The following MECOM variants were observed in gnomAD, a reference collection of about 807,000 sequenced individuals.
MECOM encodes the protein MDS1 and EVI1 complex locus, also known as histone-lysine N-methyltransferase MECOM.
Under a neutral mutation model 116.3 loss-of-function variants are expected in MECOM, and 13 were observed. The ratio of observed to expected loss-of-function variants is 0.11; its 90% confidence interval spans 0.07 to 0.18. MECOM has a LOEUF of 0.18. MECOM is among the 10% of genes least tolerant of loss of function. MECOM has a pLI of 1.00. For synonymous variants in MECOM, 528 were observed against 535.2 expected, an observed-to-expected ratio of 0.99 and a Z score of 0.19; for missense variants, 1,299 against 1,509.0, an observed-to-expected ratio of 0.86 and a Z score of 2.31.
At chr3:169,547,620 A>T (rs1345900314) in intron 1 of MECOM, among the ~76,000 whole-genome samples, 1 of 152,158 alleles carries the variant, frequency 6.6e-6, no homozygotes, top group Admixed American at 6.5e-5. Context: ...TCCCAAAAAG[A>T]TATGTTCAAG....
intron 13 of MECOM, among the ~76,000 whole-genome samples, chr3:169,094,314 G>A (rs1720818201): frequency 6.6e-6 from 1 of 152,010 alleles, no homozygotes. Context: ...TACCCCCAAA[G>A]CATAACCTTT....
chr3:169,581,078 C>T (rs1468144241), intron 1 of MECOM, among the ~76,000 whole-genome samples: 1 of 152,168 alleles, frequency 6.6e-6, no homozygotes, highest in African/African-American at 2.4e-5. Context: ...TCACTCAGAC[C>T]TCTTTGGAAA....
At chr3:169,400,696 T>A (rs939084090) in intron 1 of MECOM, among the ~76,000 whole-genome samples, 2 of 152,204 alleles carry the variant, frequency 1.3e-5, no homozygotes, top group East Asian at 1.9e-4. Flanking sequence ...GGGGAAAATA[T>A]GGAGCCCTTT....
intron 2 of MECOM, among the ~76,000 whole-genome samples, chr3:169,183,448 TC>T (rs1453966889): frequency 6.6e-6 from 1 of 152,170 alleles, no homozygotes; most frequent in East Asian, 1.9e-4. Flanking sequence ...ACTTTAGATT[TC>T]CCCCTTCTTA....
At chr3:169,200,163 A>G (rs975672994) in intron 2 of MECOM, among the ~76,000 whole-genome samples, 2 of 152,116 alleles carry the variant, frequency 1.3e-5, no homozygotes, top group African/African-American at 4.8e-5. Context: ...AACCACATGC[A>G]AACTTAAATC....
At chr3:169,145,141 TAA>T in intron 2 of MECOM, 1 of 643,758 alleles carries the variant, frequency 1.6e-6, no homozygotes, top group East Asian at 2.9e-5. Flanking sequence ...GGGATATTAT[TAA>T]ACACACACAC....
At chr3:169,596,385 C>T (rs1323954172) in intron 1 of MECOM, among the ~76,000 whole-genome samples, 1 of 152,198 alleles carries the variant, frequency 6.6e-6, no homozygotes, top group Non-Finnish European at 1.5e-5. Context: ...AACGTAATAT[C>T]TCTGAGGGCT....
At chr3:169,176,142 C>G (rs78985458) in intron 2 of MECOM, among the ~76,000 whole-genome samples, 1 of 146,628 alleles carries the variant, frequency 6.8e-6, no homozygotes, top group Non-Finnish European at 1.5e-5. Context: ...CACATACACA[C>G]CAAAAAAAAA....
chr3:169,141,918 C>T (rs1294149691), intron 3 of MECOM, among the ~76,000 whole-genome samples: 1 of 151,862 alleles, frequency 6.6e-6, no homozygotes, highest in Non-Finnish European at 1.5e-5. Context: ...TGTCTGTTTT[C>T]CCAGATTAAG....
chr3:169,345,679 C>T (rs1200733027), intron 2 of MECOM, among the ~76,000 whole-genome samples: 1 of 152,142 alleles, frequency 6.6e-6, no homozygotes, highest in Non-Finnish European at 1.5e-5. Context: ...AGTTAATCTC[C>T]TAAATTCCAC....
chr3:169,513,961 C>T (rs368713010), intron 1 of MECOM, among the ~76,000 whole-genome samples: 1 of 152,118 alleles, frequency 6.6e-6, no homozygotes, highest in Non-Finnish European at 1.5e-5. Flanking sequence ...ACTTACTCTC[C>T]CATCAGAATT....
At chr3:169,295,055 G>T (rs1006631) in intron 2 of MECOM, among the ~76,000 whole-genome samples, 20,783 of 151,864 alleles carry the variant, frequency 0.14, 1,941 homozygotes, top group East Asian at 0.41. Context: ...TTAATGTTAC[G>T]TAAAATATGT....
chr3:169,178,266 C>A (rs1274734833), intron 2 of MECOM, among the ~76,000 whole-genome samples: 1 of 152,160 alleles, frequency 6.6e-6, no homozygotes, highest in Admixed American at 6.6e-5. Flanking sequence ...TTGCAGGAGC[C>A]AGATGATGGA....
chr3:169,206,622 G>A (rs1559991806), intron 2 of MECOM, among the ~76,000 whole-genome samples: 2 of 151,786 alleles, frequency 1.3e-5, no homozygotes, highest in South Asian at 2.1e-4. Flanking sequence ...GCATGGGGGC[G>A]GGTGCCTATA....
chr3:169,394,275 GA>G (rs1734677287), intron 1 of MECOM, among the ~76,000 whole-genome samples: 1 of 152,156 alleles, frequency 6.6e-6, no homozygotes, highest in South Asian at 2.1e-4. Context: ...AGAATAAAGT[GA>G]AATTGCTGAT....
At chr3:169,451,849 C>T (rs1022866064) in intron 1 of MECOM, among the ~76,000 whole-genome samples, 4 of 151,932 alleles carry the variant, frequency 2.6e-5, no homozygotes, top group Admixed American at 1.3e-4. Context: ...AAAAGCTATC[C>T]TGCGAGCATG....
At chr3:169,143,126 T>C (rs1560265221) in intron 3 of MECOM, among the ~76,000 whole-genome samples, 1 of 152,056 alleles carries the variant, frequency 6.6e-6, no homozygotes, top group Non-Finnish European at 1.5e-5. Flanking sequence ...TCCTCCATAA[T>C]GTCACAAAGC....
intron 2 of MECOM, among the ~76,000 whole-genome samples, chr3:169,185,046 G>A (rs2077039395): frequency 6.6e-6 from 1 of 152,216 alleles, no homozygotes. Flanking sequence ...GGAATAAGGA[G>A]AGGGCGGATA....
intron 2 of MECOM, among the ~76,000 whole-genome samples, chr3:169,290,296 T>C (rs1431851318): frequency 1.3e-5 from 2 of 152,168 alleles, no homozygotes; most frequent in Admixed American, 6.6e-5. Flanking sequence ...GGTTAATTTG[T>C]ATGTTTAAAG....
Sources: gnomAD v4.1 joint callset for allele counts (sites outside exome capture counted in the v4.1 genomes callset) on GRCh38, gnomAD v4.1.1 for gene constraint, MANE v1.5 for transcripts, NCBI Gene and HGNC (gene_info 2026-07-23, HGNC 2026-07-21) for gene names.